The following PRRX2 variants were observed in gnomAD, a reference collection of about 807,000 sequenced individuals.
The protein encoded by PRRX2 is paired mesoderm homeobox protein 2.
In PRRX2, 11 loss-of-function variants were observed where a neutral mutation model predicts 18.0. The ratio of observed to expected loss-of-function variants is 0.61; its 90% CI spans 0.39 to 1.01. PRRX2 has a LOEUF of 1.01. Ranked by LOEUF, PRRX2 falls within the 50% of genes least tolerant of loss-of-function variation. The pLI is 0.01. For missense variants in PRRX2, 387 were observed against 351.0 expected, an observed-to-expected ratio of 1.10 and a Z score of -0.82; for synonymous variants, 177 against 154.8, an observed-to-expected ratio of 1.14 and a Z score of -1.06.
intron 1 of PRRX2, among the ~76,000 whole-genome samples, chr9:129,692,998 A>G (rs1353806298): frequency 6.6e-6 from 1 of 152,172 alleles, no homozygotes; most frequent in Non-Finnish European, 1.5e-5. Context: ...TGGCTGTACC[A>G]TTTCGCATTC....
intron 1 of PRRX2, among the ~76,000 whole-genome samples, chr9:129,698,062 T>G (rs936840478): frequency 2.0e-5 from 3 of 152,064 alleles, no homozygotes; most frequent in African/African-American, 7.2e-5. Flanking sequence ...CAAATCTGTC[T>G]TAACCACAAG....
chr9:129,680,523 C>T, intron 1 of PRRX2, among the ~76,000 whole-genome samples: 1 of 115,150 alleles, frequency 8.7e-6, no homozygotes, highest in East Asian at 3.1e-4. Flanking sequence ...CCATTTAGGA[C>T]CATCACGTTC....
chr9:129,687,018 C>A (rs999433400), intron 1 of PRRX2, among the ~76,000 whole-genome samples: 1 of 152,084 alleles, frequency 6.6e-6, no homozygotes, highest in Non-Finnish European at 1.5e-5. Context: ...GGGACAGCCA[C>A]CTGCAGGGAA....
chr9:129,666,934 G>T (rs916403466), intron 1 of PRRX2, among the ~76,000 whole-genome samples: 1 of 152,174 alleles, frequency 6.6e-6, no homozygotes, highest in African/African-American at 2.4e-5. Flanking sequence ...GGGGGCTCTG[G>T]GCCCCTGAAG....
chr9:129,683,233 C>T (rs1832255947), intron 1 of PRRX2, among the ~76,000 whole-genome samples: 1 of 152,200 alleles, frequency 6.6e-6, no homozygotes, highest in South Asian at 2.1e-4. Context: ...TAATCATCTC[C>T]CTTTTAGGAA....
At position 129,715,668 on chromosome 9, in the gene PRRX2, A is replaced by T. The variant is rs1278140796; in HGVS notation, c.260-3563A>T. Among the ~76,000 whole-genome samples, 1 of 151,948 alleles carries T rather than the reference A, an allele frequency of 6.6e-6. No individual in the cohort carries two copies. The highest frequency in any genetic ancestry group is 1.5e-5 in the Non-Finnish European group (1 of 68,008). On this transcript the variant is annotated intron_variant, in intron 1 of 3. Coordinates refer to ENST00000372469, the MANE Select transcript of PRRX2 (RefSeq NM_016307.4). The surrounding 1 kb of genome is among the most constrained non-coding windows in gnomAD (Gnocchi z 4.0). ...CTAGTAGCACCCCTTCCCCAGTCCT[A>T]ACGATCAAAAATGTCTCACAGGGGC...
At chr9:129,682,064 G>C (rs1832239147) in intron 1 of PRRX2, among the ~76,000 whole-genome samples, 1 of 152,110 alleles carries the variant, frequency 6.6e-6, no homozygotes, top group Non-Finnish European at 1.5e-5. Flanking sequence ...GCAGCTCTGG[G>C]GAGCTGTTGG....
intron 1 of PRRX2, among the ~76,000 whole-genome samples, chr9:129,676,058 G>A (rs540576955): frequency 6.6e-6 from 1 of 152,332 alleles, no homozygotes; most frequent in African/African-American, 2.4e-5. Flanking sequence ...CCAGGTGGGT[G>A]TAGAATGTCT....
intron 1 of PRRX2, among the ~76,000 whole-genome samples, chr9:129,697,083 C>T (rs528796916): frequency 6.6e-6 from 1 of 152,372 alleles, no homozygotes; most frequent in South Asian, 2.1e-4. Context: ...CGCCCATAGG[C>T]GCCCGGCCCG....
chr9:129,708,731 C>T (rs1460885600), intron 1 of PRRX2, among the ~76,000 whole-genome samples: 2 of 152,174 alleles, frequency 1.3e-5, no homozygotes, highest in Non-Finnish European at 2.9e-5. Context: ...TAACAGCCAT[C>T]GTCTGGCCCT....
At chr9:129,717,856 T>C (rs1195646929) in intron 1 of PRRX2, among the ~76,000 whole-genome samples, 6 of 152,098 alleles carry the variant, frequency 3.9e-5, no homozygotes, top group Admixed American at 3.9e-4. Flanking sequence ...TACACATTTT[T>C]AATGAGAAAA....
At position 129,675,302 on chromosome 9, in the gene PRRX2, ACCAG is replaced by A. The variant is rs1192454151; in HGVS notation, c.259+9179_259+9182del. On this transcript the variant is annotated intron_variant, in intron 1 of 3. Coordinates refer to ENST00000372469, the MANE Select transcript of PRRX2 (RefSeq NM_016307.4). The surrounding 1 kb of genome is among the most constrained non-coding windows in gnomAD (Gnocchi z 4.4). ...AGCATCCATTGAGCACCTACTGAGT[ACCAG>A]CCCAAGGCAGCCCAGGGGCGTGGAA... 6.6e-6 allele frequency among the ~76,000 whole-genome samples: 1 copy of A among 152,172 alleles called. No individual in the cohort carries two copies. The highest frequency in any genetic ancestry group is 2.4e-5 in the African/African-American group (1 of 41,454).
intron 1 of PRRX2, among the ~76,000 whole-genome samples, chr9:129,705,841 C>T (rs1477994571): frequency 2.0e-5 from 3 of 151,740 alleles, no homozygotes; most frequent in East Asian, 2.0e-4. Flanking sequence ...TTTGGGAGGC[C>T]GAGGCAGGTG....
At chr9:129,718,953 G>C (rs1475981380) in intron 1 of PRRX2, among the ~76,000 whole-genome samples, 2 of 152,152 alleles carry the variant, frequency 1.3e-5, no homozygotes, top group Non-Finnish European at 2.9e-5. Context: ...AGTTGGCTCA[G>C]ACTGGGGTTT....
intron 1 of PRRX2, among the ~76,000 whole-genome samples, chr9:129,686,927 G>C (rs141269439): frequency 7.9e-5 from 12 of 152,222 alleles, no homozygotes; most frequent in Non-Finnish European, 8.8e-5. Context: ...AGAGGAGCCC[G>C]GGTTGGGGGC....
intron 1 of PRRX2, among the ~76,000 whole-genome samples, chr9:129,666,939 C>T (rs1377796206): frequency 6.6e-6 from 1 of 152,220 alleles, no homozygotes; most frequent in Non-Finnish European, 1.5e-5. Context: ...CTCTGGGCCC[C>T]TGAAGTGTGC....
chr9:129,706,843 C>T (rs1270243340), intron 1 of PRRX2, among the ~76,000 whole-genome samples: 1 of 152,086 alleles, frequency 6.6e-6, no homozygotes, highest in Admixed American at 6.6e-5. Flanking sequence ...CAAAAGAAGC[C>T]CTGCACTTTT....
At chr9:129,668,581 A>C (rs1394429938) in intron 1 of PRRX2, among the ~76,000 whole-genome samples, 2 of 151,454 alleles carry the variant, frequency 1.3e-5, no homozygotes, top group African/African-American at 4.9e-5. Flanking sequence ...AGTTTGAGAC[A>C]AGTCTGGCTA....
chr9:129,718,662 T>G (rs1161852334), intron 1 of PRRX2: 1 of 152,330 alleles, frequency 6.6e-6, no homozygotes, highest in Non-Finnish European at 1.5e-5. Flanking sequence ...TGACTCTTCC[T>G]CCTTAGGAAT....
Sources: allele counts gnomAD v4.1 joint callset (sites outside exome capture counted in the v4.1 genomes callset), GRCh38; gene constraint gnomAD v4.1.1; non-coding constraint Gnocchi (gnomAD v3.1); transcripts MANE v1.5; gene names NCBI Gene and HGNC (gene_info 2026-07-23, HGNC 2026-07-21).